Variants in ATRNL1 observed in about 807,000 individuals in gnomAD.
ATRNL1 encodes attractin-like protein 1.
Under a neutral mutation model 182.7 loss-of-function variants are expected in ATRNL1, and 95 were observed. The ratio of observed to expected loss-of-function variants is 0.52; its 90% CI spans 0.44 to 0.62. The LOEUF is 0.62. Ranked by LOEUF, ATRNL1 falls within the 20% of genes least tolerant of loss-of-function variation. ATRNL1 has a pLI of 0.00. For missense variants in ATRNL1, 1,471 were observed against 1,679.5 expected (o/e 0.88, Z 2.17); for synonymous variants, 576 against 568.3 (o/e 1.01, Z -0.19).
chr10:115,766,519 C>G (rs1250496375), intron 27 of ATRNL1, among the ~76,000 whole-genome samples: 2 of 152,162 alleles, frequency 1.3e-5, no homozygotes, highest in African/African-American at 2.4e-5. Context: ...GGAAACAGTT[C>G]ACTCTGAATA....
chr10:115,436,245 A>C (rs2134430135), intron 21 of ATRNL1, among the ~76,000 whole-genome samples: 1 of 152,256 alleles, frequency 6.6e-6, no homozygotes, highest in South Asian at 2.1e-4. Context: ...GATAATTGAA[A>C]GTTTAGTGAT....
At chr10:115,944,610 C>A in intron 28 of ATRNL1, 48 bp from the exon 29 acceptor site, 1 of 1,533,284 alleles carries the variant, frequency 6.5e-7, no homozygotes, top group Non-Finnish European at 8.8e-7. Context: ...TGTTGCCATC[C>A]CAGAAATGTC....
intron 18 of ATRNL1, among the ~76,000 whole-genome samples, chr10:115,333,651 A>C (rs1855342803): frequency 6.6e-6 from 1 of 151,462 alleles, no homozygotes; most frequent in African/African-American, 2.4e-5. Context: ...TGCCCAGCTA[A>C]TTTTTTTGTA....
intron 1 of ATRNL1, among the ~76,000 whole-genome samples, chr10:115,104,869 T>G (rs931678477): frequency 6.6e-6 from 1 of 152,104 alleles, no homozygotes; most frequent in South Asian, 2.1e-4. Context: ...ATGGATTTAT[T>G]CTGGGTTCCC....
Position 115,171,081 on chromosome 10 carries a change from C to A in ATRNL1, c.1137C>A (p.Gly379=). 6.3e-7 allele frequency: 1 copy of A among 1,584,588 alleles called. No homozygotes were observed. ...GAGGCAGAATTGAAACAAATGATGG[C>A]AATGTCACAGATGAATTATGGGTTT... is the stretch of plus-strand genomic sequence containing the variant. ...MYGGRIETND[G]NVTDELWVFN... The change falls in exon 8 of 29, where the codon GGC becomes GGA. Residue 379 remains glycine (G), a synonymous_variant. Transcript: ENST00000355044.
At chr10:115,715,339 TG>T (rs1555055963) in intron 26 of ATRNL1, among the ~76,000 whole-genome samples, 1 of 152,204 alleles carries the variant, frequency 6.6e-6, no homozygotes, top group African/African-American at 2.4e-5. Flanking sequence ...GGGAACTTCT[TG>T]GGTATCATAT....
At chr10:115,402,878 G>T (rs935020260) in intron 20 of ATRNL1, among the ~76,000 whole-genome samples, 16 of 152,040 alleles carry the variant, frequency 1.1e-4, no homozygotes, top group African/African-American at 3.9e-4. Flanking sequence ...AATCTCCTGG[G>T]ATATGGTGAC....
At chr10:115,438,928 G>A (rs986979202) in intron 21 of ATRNL1, among the ~76,000 whole-genome samples, 4 of 151,806 alleles carry the variant, frequency 2.6e-5, no homozygotes, top group South Asian at 4.1e-4. Context: ...GAAAATCTGC[G>A]TATATCTTTT....
chr10:115,496,378 T>C (rs1020920643), intron 24 of ATRNL1, among the ~76,000 whole-genome samples: 1 of 152,228 alleles, frequency 6.6e-6, no homozygotes, highest in African/African-American at 2.4e-5. Flanking sequence ...ATAAGGCAGG[T>C]AATGAATTCC....
chr10:115,736,111 C>A (rs1947942497), intron 27 of ATRNL1, among the ~76,000 whole-genome samples: 1 of 152,044 alleles, frequency 6.6e-6, no homozygotes, highest in Non-Finnish European at 1.5e-5. Context: ...GAGTCATTAT[C>A]CCATTTGTAT....
chr10:115,440,994 AT>A (rs137903415), intron 21 of ATRNL1, among the ~76,000 whole-genome samples: 15 of 150,602 alleles, frequency 1.0e-4, no homozygotes, highest in African/African-American at 1.2e-4. Context: ...GAATGTTCCC[AT>A]TTTTTTTTAC....
intron 27 of ATRNL1, among the ~76,000 whole-genome samples, chr10:115,776,863 G>C (rs1178292657): frequency 1.3e-5 from 2 of 152,112 alleles, no homozygotes; most frequent in Admixed American, 1.3e-4. Flanking sequence ...CATCTTAAGA[G>C]TGCAGGAGAA....
intron 27 of ATRNL1, among the ~76,000 whole-genome samples, chr10:115,845,194 A>C (rs1396672301): frequency 6.6e-6 from 1 of 152,114 alleles, no homozygotes; most frequent in Non-Finnish European, 1.5e-5. Context: ...TATTTTACCT[A>C]AAATAGACTA....
chr10:115,408,126 C>G (rs1057028606), intron 20 of ATRNL1, among the ~76,000 whole-genome samples: 8 of 151,270 alleles, frequency 5.3e-5, no homozygotes, highest in African/African-American at 1.7e-4. Context: ...GCCTCAGCCT[C>G]CCGAGTAGCC....
chr10:115,595,254 C>A (rs2133928020), intron 26 of ATRNL1, among the ~76,000 whole-genome samples: 1 of 151,822 alleles, frequency 6.6e-6, no homozygotes, highest in South Asian at 2.1e-4. Context: ...CCTTCCTTCC[C>A]TTTTTTCTTA....
intron 19 of ATRNL1, among the ~76,000 whole-genome samples, chr10:115,352,051 A>G (rs782674833): frequency 3.9e-5 from 6 of 151,916 alleles, no homozygotes; most frequent in Non-Finnish European, 8.8e-5. Flanking sequence ...GGTAGTTTGT[A>G]TGTATTTAGG....
Position 115,230,902 on chromosome 10 carries a change from AG to A in ATRNL1, c.1533-10668del, listed in dbSNP as rs1554899796. On this transcript the variant is annotated intron_variant, in intron 9 of 28. Coordinates refer to ENST00000355044, the MANE Select transcript of ATRNL1 (RefSeq NM_207303.4). Reference sequence around the variant, plus strand: ...GAGAGAGAGAGAGAGAGAGAGAGAGAGAGAGAGAGAGAGAGAGAGAAAGAGA... The same window carrying A: ...GAGAGAGAGAGAGAGAGAGAGAGAGAAGAGAGAGAGAGAGAGAGAAAGAGA... Among the ~76,000 whole-genome samples, 480 of 150,246 alleles carry A rather than the reference AG, an allele frequency of 3.2e-3. 5 individuals carry two copies. Among genetic ancestry groups the A allele is most frequent in the African/African-American group, 0.011 (457 of 40,662 alleles).
intron 28 of ATRNL1, chr10:115,909,661 G>A (rs1304778674): frequency 6.7e-6 from 1 of 148,274 alleles, no homozygotes; most frequent in Non-Finnish European, 1.5e-5. Context: ...AGTGAGGTGG[G>A]AGGACAAATG....
intron 25 of ATRNL1, among the ~76,000 whole-genome samples, chr10:115,543,165 A>C (rs1852457052): frequency 6.6e-6 from 1 of 152,188 alleles, no homozygotes; most frequent in African/African-American, 2.4e-5. Flanking sequence ...CTTAACTAAT[A>C]GTGCTCCTAA....
Sources: gnomAD v4.1 joint callset for allele counts (sites outside exome capture counted in the v4.1 genomes callset) on GRCh38, gnomAD v4.1.1 for gene constraint, MANE v1.5 for transcripts, NCBI Gene and HGNC (gene_info 2026-07-23, HGNC 2026-07-21) for gene names.